The following ATP8A2 variants were observed in gnomAD, a reference collection of about 807,000 sequenced individuals.
The protein encoded by ATP8A2 is phospholipid-transporting ATPase IB.
In ATP8A2, 100 loss-of-function variants were observed where a neutral mutation model predicts 165.6. The observed-to-expected ratio is 0.60, with a 90% CI of 0.51 to 0.71. The LOEUF (loss-of-function observed/expected upper bound fraction) is 0.71, where lower values mean the gene tolerates loss of function less well. Ranked by LOEUF, ATP8A2 falls within the 30% of genes least tolerant of loss-of-function variation. The pLI, the probability that ATP8A2 is intolerant of heterozygous loss-of-function variation, is 0.00. For synonymous variants in ATP8A2, 543 were observed against 548.8 expected (o/e 0.99, Z 0.15); for missense variants, 1,227 against 1,479.5 (o/e 0.83, Z 2.80).
At chr13:25,566,374 T>C (rs533584590) in intron 16 of ATP8A2, among the ~76,000 whole-genome samples, 2 of 152,280 alleles carry the variant, frequency 1.3e-5, no homozygotes, top group South Asian at 4.1e-4. Flanking sequence ...GAATCGTCTC[T>C]GCAGGAAGGT....
intron 1 of ATP8A2, among the ~76,000 whole-genome samples, chr13:25,377,613 A>G (rs1476682797): frequency 1.3e-5 from 2 of 152,184 alleles, no homozygotes; most frequent in African/African-American, 4.8e-5. Flanking sequence ...CAGCCTGGCC[A>G]ACATAGTGAA....
At chr13:25,534,224 T>A (rs1162990095) in intron 6 of ATP8A2, 1 of 532,670 alleles carries the variant, frequency 1.9e-6, no homozygotes, top group Admixed American at 1.9e-5. Flanking sequence ...TTATAGTGTT[T>A]TACAGTAACA....
intron 35 of ATP8A2, among the ~76,000 whole-genome samples, chr13:26,011,935 T>TA (rs145086037): frequency 0.22 from 34,142 of 151,912 alleles, 4,411 homozygotes; most frequent in Non-Finnish European, 0.3. Flanking sequence ...CCCATCTTTT[T>TA]AAAAAAATAA....
intron 24 of ATP8A2, among the ~76,000 whole-genome samples, chr13:25,698,546 A>T (rs1379404797): frequency 1.3e-5 from 2 of 151,792 alleles, no homozygotes; most frequent in Non-Finnish European, 2.9e-5. Flanking sequence ...CTTTTTTTTT[A>T]AATCTAAAAA....
chr13:25,957,311 CATCAGAGT>C (rs1344250393), intron 33 of ATP8A2, among the ~76,000 whole-genome samples: 1 of 152,196 alleles, frequency 6.6e-6, no homozygotes, highest in African/African-American at 2.4e-5. Context: ...AAGAAACTAT[CATCAGAGT>C]GAACAGGCGA....
chr13:25,894,493 G>A (rs1047175312), intron 33 of ATP8A2, among the ~76,000 whole-genome samples: 2 of 151,654 alleles, frequency 1.3e-5, no homozygotes, highest in African/African-American at 4.8e-5. Context: ...TGTTCTTTTG[G>A]CTTAGGATTG....
At chr13:25,701,977 C>A (rs1408060524) in intron 25 of ATP8A2, among the ~76,000 whole-genome samples, 1 of 152,030 alleles carries the variant, frequency 6.6e-6, no homozygotes, top group East Asian at 1.9e-4. Context: ...GGAGACATTT[C>A]TTGGCTGATC....
At position 25,372,399 on chromosome 13, in the gene ATP8A2, G is replaced by T. The variant is rs536935378; in HGVS notation, c.76+111G>T. 126 of 754,168 alleles carry T rather than the reference G, an allele frequency of 1.7e-4. 1 individual carries two copies. In the African/African-American group the frequency reaches 2.2e-3, roughly 13 times the overall value. 46.7% of individuals were successfully genotyped at this position (754,168 alleles called of 1,614,324 possible). A position where few individuals can be genotyped will look rare whatever the true frequency, so the allele number is the denominator to read the frequency against. ...GCCCGCGCCCCGCTCCCCTCCCTGGGCTCCCTGGGCTCTCTGGGCTGCAGG... is the reference window on the plus strand; with the variant it reads ...GCCCGCGCCCCGCTCCCCTCCCTGGTCTCCCTGGGCTCTCTGGGCTGCAGG... On this transcript the variant is annotated intron_variant, in intron 1 of 36. Coordinates refer to ENST00000381655, the MANE Select transcript of ATP8A2 (RefSeq NM_016529.6). This position sits in a 1 kb window ranked among gnomAD's most constrained non-coding sequence, Gnocchi z 4.8.
chr13:25,685,103 C>T (rs1312689542), intron 24 of ATP8A2, among the ~76,000 whole-genome samples: 2 of 152,176 alleles, frequency 1.3e-5, no homozygotes, highest in South Asian at 2.1e-4. Flanking sequence ...TCCTGTCGCC[C>T]TCTGGCCTCC....
intron 27 of ATP8A2, among the ~76,000 whole-genome samples, chr13:25,826,627 G>A (rs1951322407): frequency 6.6e-6 from 1 of 152,188 alleles, no homozygotes; most frequent in South Asian, 2.1e-4. Context: ...GTTCTATGTT[G>A]CCAGTTAGGT....
chr13:25,665,108 G>C (rs1399454116), intron 24 of ATP8A2, among the ~76,000 whole-genome samples: 1 of 152,214 alleles, frequency 6.6e-6, no homozygotes, highest in Non-Finnish European at 1.5e-5. Context: ...AACGAAGGCA[G>C]AGTCCCCGGT....
At chr13:25,430,738 C>T (rs1330391451) in intron 1 of ATP8A2, among the ~76,000 whole-genome samples, 1 of 151,886 alleles carries the variant, frequency 6.6e-6, no homozygotes, top group African/African-American at 2.4e-5. Context: ...GCTGGGATTA[C>T]AGGCGCCCAC....
At chr13:25,444,750 A>G (rs531150636) in intron 1 of ATP8A2, among the ~76,000 whole-genome samples, 12 of 152,122 alleles carry the variant, frequency 7.9e-5, no homozygotes, top group African/African-American at 2.9e-4. Flanking sequence ...GGTTCAAGCA[A>G]TTCTCCTGTC....
chr13:25,384,419 C>T (rs932566057), intron 1 of ATP8A2, among the ~76,000 whole-genome samples: 14 of 152,148 alleles, frequency 9.2e-5, no homozygotes, highest in Non-Finnish European at 1.6e-4. Context: ...CATGCATTCT[C>T]CCTTTTCTGG....
At chr13:25,632,324 C>T (rs992030609) in intron 24 of ATP8A2, among the ~76,000 whole-genome samples, 2 of 152,058 alleles carry the variant, frequency 1.3e-5, no homozygotes, top group African/African-American at 4.8e-5. Flanking sequence ...TCAGCCCCTC[C>T]CCTCCCTGGA....
At chr13:25,666,925 C>T (rs2042166452) in intron 24 of ATP8A2, among the ~76,000 whole-genome samples, 1 of 152,028 alleles carries the variant, frequency 6.6e-6, no homozygotes, top group Non-Finnish European at 1.5e-5. Flanking sequence ...TCTTTTTTAC[C>T]ATAAGCAGAA....
chr13:25,615,360 A>T (rs2040796545), intron 24 of ATP8A2, among the ~76,000 whole-genome samples: 1 of 152,100 alleles, frequency 6.6e-6, no homozygotes, highest in Non-Finnish European at 1.5e-5. Flanking sequence ...AGCTACCATG[A>T]AGCCCGAAAG....
intron 24 of ATP8A2, among the ~76,000 whole-genome samples, chr13:25,694,021 C>T (rs186992603): frequency 6.6e-5 from 10 of 152,290 alleles, no homozygotes; most frequent in East Asian, 1.9e-4. Flanking sequence ...TGCACCACCA[C>T]GCACATCTAA....
chr13:25,761,732 G>A (rs1354919531), intron 25 of ATP8A2, among the ~76,000 whole-genome samples: 1 of 151,310 alleles, frequency 6.6e-6, no homozygotes, highest in Middle Eastern at 3.2e-3. Context: ...TAATTTGTTT[G>A]GATGATTTGT....
Sources: allele counts gnomAD v4.1 joint callset (sites outside exome capture counted in the v4.1 genomes callset), GRCh38; gene constraint gnomAD v4.1.1; non-coding constraint Gnocchi (gnomAD v3.1); transcripts MANE v1.5; gene names NCBI Gene and HGNC (gene_info 2026-07-23, HGNC 2026-07-21).